ALMS1: variants seen among roughly 807,000 people sequenced by gnomAD.
ALMS1 encodes centrosome-associated protein ALMS1.
In ALMS1, 271 loss-of-function variants were observed where a neutral mutation model predicts 352.2. That is an observed-to-expected ratio of 0.77 (90% CI 0.70 to 0.85). The LOEUF is 0.85. Ranked by LOEUF, ALMS1 falls within the 40% of genes least tolerant of loss-of-function variation. ALMS1 has a pLI of 0.00. For missense variants in ALMS1, 5,445 were observed against 4,870.7 expected (o/e 1.12, Z -3.51); for synonymous variants, 1,865 against 1,761.2 (o/e 1.06, Z -1.48).
At chr2:73,602,508 T>G (rs968943434) in intron 20 of ALMS1, 140 bp downstream of exon 20, 3 of 998,560 alleles carry the variant, frequency 3.0e-6, no homozygotes, top group African/African-American at 3.2e-5. Context: ...GACTCAAACC[T>G]TCTTAGCTAG....
Position 73,534,908 on chromosome 2 carries a change from C to T in ALMS1, c.9866C>T (p.Pro3289Leu), listed in dbSNP as rs369660958. 3.0e-5 allele frequency: 49 copies of T among 1,613,640 alleles called. No homozygotes were observed. Among genetic ancestry groups the T allele is most frequent in the East Asian group, 1.8e-4 (8 of 44,814 alleles). ...VPQLRQIPPS[P>L]DSKSDTTVES... ...CAATTAAGACAAATTCCTCCATCTC[C>T]GGATTCCAAATCAGATACCACCGTT... Residue 3289 changes from proline (P) to leucine (L), a missense_variant, in exon 12 of 23, where the codon CCG (proline) becomes CTG (leucine). Coordinates refer to ENST00000613296, the MANE Select transcript of ALMS1 (RefSeq NM_001378454.1).
At chr2:73,447,252 G>C (rs1671826556) in intron 7 of ALMS1, among the ~76,000 whole-genome samples, 1 of 152,124 alleles carries the variant, frequency 6.6e-6, no homozygotes, top group South Asian at 2.1e-4. Flanking sequence ...CTATAGAAAT[G>C]TTTGTTGGAT....
Position 73,422,928 on chromosome 2 carries a change from C to T in ALMS1, c.718C>T (p.Pro240Ser), listed in dbSNP as rs1320912703. The part of the protein sequence containing the change: ...TCLTQDQEFA[P>S]DSLFHQSELS... The stretch of plus-strand genomic sequence containing the variant: ...TTTGACACAAGACCAAGAATTTGCG[C>T]CTGATTCTTTATTTCATCAAAGTGA... Residue 240 changes from proline to serine, a missense_variant, in exon 4 of 23, where the codon CCT becomes TCT. Coordinates refer to ENST00000613296, the MANE Select transcript of ALMS1 (RefSeq NM_001378454.1). 19 of 1,613,512 alleles carry T rather than the reference C, an allele frequency of 1.2e-5. No homozygotes were observed. Among genetic ancestry groups the T allele is most frequent in the Admixed American group, 1.7e-5 (1 of 59,970 alleles).
rs1299171782 is a variant in ALMS1 at position 73,453,682 on chromosome 2, A to G, written c.7155A>G (p.Lys2385=). 8.1e-6 allele frequency: 13 copies of G among 1,614,142 alleles called. No homozygotes were observed. Among genetic ancestry groups the G allele is most frequent in the East Asian group, 2.2e-5 (1 of 44,876 alleles). ...EETLRQYQAA[K]SVMRSEPEGC... is the part of the protein sequence containing the mutation. ...CTCTTAGGCAATATCAAGCAGCCAAATCTGTAATGAGGTCTGAACCTGAAG... is the reference window on the plus strand; with the variant it reads ...CTCTTAGGCAATATCAAGCAGCCAAGTCTGTAATGAGGTCTGAACCTGAAG... Residue 2385 remains lysine (K), a synonymous_variant, in exon 8 of 23, where the codon AAA becomes AAG. Transcript: ENST00000613296.
chr2:73,500,180 A>G (rs1367775530), intron 10 of ALMS1, among the ~76,000 whole-genome samples: 1 of 152,214 alleles, frequency 6.6e-6, no homozygotes, highest in Non-Finnish European at 1.5e-5. Flanking sequence ...TCTTGTTTAA[A>G]TGCCATAGAG....
chr2:73,529,078 C>G (rs186830720), intron 11 of ALMS1, among the ~76,000 whole-genome samples: 1 of 123,134 alleles, frequency 8.1e-6, no homozygotes, highest in African/African-American at 3.2e-5. Context: ...GACTCTTGCT[C>G]TGTCGCTGAG....
At chr2:73,574,472 A>C (rs1463443967) in intron 16 of ALMS1, among the ~76,000 whole-genome samples, 1 of 152,204 alleles carries the variant, frequency 6.6e-6, no homozygotes, top group Non-Finnish European at 1.5e-5. Context: ...ATAACATATA[A>C]ATAAATATCT....
Position 73,601,266 on chromosome 2 carries a change from G to C in ALMS1, c.11944G>C (p.Gly3982Arg). 6.2e-7 allele frequency: 1 copy of C among 1,614,206 alleles called. No homozygotes were observed. The highest frequency in any genetic ancestry group is 1.1e-5 in the South Asian group (1 of 91,080). ...SKKENVPNTC[G>R]PGISWFEPIT... ...GAAGGAAAACGTGCCTAACACTTGT[G>C]GCCCTGGCATCTCCTGGTTTGAACC... The change falls in exon 19 of 23, where the codon GGC (glycine) becomes CGC (arginine). Residue 3982 changes from glycine to arginine, a missense_variant. Coordinates refer to ENST00000613296, the MANE Select transcript of ALMS1 (RefSeq NM_001378454.1).
At chr2:73,543,383 T>A (rs1282711606) in intron 12 of ALMS1, among the ~76,000 whole-genome samples, 1 of 152,196 alleles carries the variant, frequency 6.6e-6, no homozygotes, top group Non-Finnish European at 1.5e-5. Flanking sequence ...GATTAAAGAC[T>A]TACATGTTAG....
chr2:73,423,224 C>G (rs1338343057), intron 4 of ALMS1, among the ~76,000 whole-genome samples: 3 of 152,126 alleles, frequency 2.0e-5, no homozygotes, highest in Non-Finnish European at 4.4e-5. Flanking sequence ...GCATTTCAGG[C>G]ATATTTTAAT....
In ALMS1 at chr2:73,431,815, A is replaced by G. The variant is rs539692487; in HGVS notation, c.1339-383A>G. 7.9e-5 allele frequency among the ~76,000 whole-genome samples: 12 copies of G among 152,306 alleles called. 1 individual carries two copies. The highest frequency in any genetic ancestry group is 2.9e-4 in the African/African-American group (12 of 41,566). On this transcript the variant is annotated intron_variant, in intron 6 of 22. Coordinates refer to ENST00000613296, the MANE Select transcript of ALMS1 (RefSeq NM_001378454.1). ...GCACCTCTCTACCTTAAAAAGAAATACCTGAGCTTGTCCAGAATAATCCCA... is the reference window on the plus strand; with the variant it reads ...GCACCTCTCTACCTTAAAAAGAAATGCCTGAGCTTGTCCAGAATAATCCCA...
At chr2:73,492,507 C>T (rs1207888074) in intron 10 of ALMS1, among the ~76,000 whole-genome samples, 1 of 152,142 alleles carries the variant, frequency 6.6e-6, no homozygotes, top group East Asian at 1.9e-4. Context: ...TGTTCCTCTA[C>T]ACAGTACTCT....
At position 73,573,231 on chromosome 2, in the gene ALMS1, T is replaced by C. The variant is rs1244225427; in HGVS notation, c.11354T>C (p.Ile3785Thr). Residue 3785 changes from isoleucine to threonine, a missense_variant, in exon 16 of 23, where the codon ATT becomes ACT. Physicochemically the swap from Ile to Thr is moderately conservative, Grantham distance 89 (BLOSUM62 -1). Coordinates refer to ENST00000613296, the MANE Select transcript of ALMS1 (RefSeq NM_001378454.1). ...GAAAGGAGTAGCTCTGTTTCCACTA[T>C]TGACACTGCCCGGCTGATTCAAGCT... is the stretch of plus-strand genomic sequence containing the variant. The part of the protein sequence containing the change: ...LHERSSSVST[I>T]DTARLIQAFG... The C allele has an allele frequency of 5.0e-6, 8 of 1,613,424 alleles. No homozygotes were observed. The highest frequency in any genetic ancestry group is 5.9e-6 in the Non-Finnish European group (7 of 1,179,576).
chr2:73,537,870 A>T (rs1388231512), intron 12 of ALMS1, among the ~76,000 whole-genome samples: 1 of 152,076 alleles, frequency 6.6e-6, no homozygotes, highest in Non-Finnish European at 1.5e-5. Context: ...GCCAAGCATG[A>T]TGGCCTACGC....
chr2:73,537,658 A>G (rs1184771614), intron 12 of ALMS1, among the ~76,000 whole-genome samples: 1 of 152,166 alleles, frequency 6.6e-6, no homozygotes, highest in Non-Finnish European at 1.5e-5. Context: ...AAGCAACAAC[A>G]CCAAACCCTG....
intron 10 of ALMS1, among the ~76,000 whole-genome samples, chr2:73,503,042 G>GCC (rs1673248317): frequency 6.6e-6 from 1 of 151,908 alleles, no homozygotes. Flanking sequence ...TCATACTAGT[G>GCC]CATTACAGAC....
rs1176866087 is a variant in ALMS1, at chr2:73,565,049, C to G, written c.10384+5907C>G. Reference sequence around the variant, plus strand: ...CACATGCCTTTCGGATGCAAATGCACATCTCTCTGAAGAAACTTCAACCCA... The same window carrying G: ...CACATGCCTTTCGGATGCAAATGCAGATCTCTCTGAAGAAACTTCAACCCA... On this transcript the variant is annotated intron_variant, in intron 15 of 22. Coordinates refer to ENST00000613296, the MANE Select transcript of ALMS1 (RefSeq NM_001378454.1). Among the ~76,000 whole-genome samples the G allele has an allele frequency of 3.9e-5, 6 of 152,298 alleles. No individual in the cohort carries two copies. In the East Asian group the frequency reaches 1.2e-3, roughly 29 times the overall value.
intron 13 of ALMS1, 53 bp from the exon 14 acceptor site, chr2:73,557,167 T>A: frequency 6.2e-7 from 1 of 1,611,574 alleles, no homozygotes; most frequent in South Asian, 1.1e-5. Context: ...ATTACTTGTC[T>A]GTTGTGTTTA....
chr2:73,557,250 A>G lies in ALMS1; in HGVS notation c.10109A>G (p.Asp3370Gly). Reference protein sequence around the residue: ...DASVQVLITGDENLSDKKQQE... With the variant: ...DASVQVLITGGENLSDKKQQE... ...TCAGTTCAAGTGCTAATCACTGGGG[A>G]TGAGAACCTCTCAGACAAAAAACAG... The change falls in exon 14 of 23, where the codon GAT becomes GGT. Residue 3370 changes from aspartate to glycine, a missense_variant. Physicochemically the swap from Asp to Gly is moderately conservative, Grantham distance 94. Transcript: ENST00000613296. The G allele has an allele frequency of 6.2e-7, 1 of 1,614,152 alleles. No individual in the cohort carries two copies. The highest frequency in any genetic ancestry group is 8.5e-7 in the Non-Finnish European group (1 of 1,180,018).
Sources: gnomAD v4.1 joint callset for allele counts (sites outside exome capture counted in the v4.1 genomes callset) on GRCh38, gnomAD v4.1.1 for gene constraint, MANE v1.5 for transcripts, NCBI Gene and HGNC (gene_info 2026-07-23, HGNC 2026-07-21) for gene names.